Variants in TMC4 observed in about 807,000 individuals in gnomAD.
TMC4 encodes the protein voltage-gated chloride channel TMC4.
A neutral mutation model predicts 82.0 loss-of-function variants in TMC4; 70 were observed. The ratio of observed to expected loss-of-function variants is 0.85; its 90% CI spans 0.70 to 1.04. The LOEUF is 1.04. Ranked by LOEUF, TMC4 falls within the 50% of genes least tolerant of loss-of-function variation. TMC4 has a pLI of 0.00. For synonymous variants in TMC4, 446 were observed against 406.0 expected (o/e 1.10, Z -1.18); for missense variants, 879 against 899.0 (o/e 0.98, Z 0.28).
chr19:54,161,482 G>A (rs1000142983), intron 11 of TMC4, among the ~76,000 whole-genome samples: 2 of 151,340 alleles, frequency 1.3e-5, no homozygotes, highest in African/African-American at 4.9e-5. Context: ...CCGAGTAGCT[G>A]GGATTACAGG....
At position 54,166,691 on chromosome 19, in the gene TMC4, C is replaced by T. The variant is rs146667561; in HGVS notation, c.798-1125G>A. ...GCTCTTTGCCGGGCGTGGTGGCTCACGCCTGTAATCCCAGCACTTTGGGAG... is the reference window on the plus strand; with the variant it reads ...GCTCTTTGCCGGGCGTGGTGGCTCATGCCTGTAATCCCAGCACTTTGGGAG... On this transcript the variant is annotated intron_variant, in intron 5 of 14. Transcript: ENST00000619895. 1.4e-3 allele frequency among the ~76,000 whole-genome samples: 216 copies of T among 152,092 alleles called. 2 individuals are homozygous for T. Among genetic ancestry groups the T allele is most frequent in the African/African-American group, 4.9e-3 (205 of 41,484 alleles).
chr19:54,163,533 C>G, intron 8 of TMC4, 191 bp downstream of exon 8: 1 of 693,450 alleles, frequency 1.4e-6, no homozygotes, highest in Non-Finnish European at 2.5e-6. Flanking sequence ...GTCTCGAACT[C>G]CTGACCTCAG....
chr19:54,165,230 G>A (rs1382016317), intron 6 of TMC4, among the ~76,000 whole-genome samples, 189 bp downstream of exon 6: 2 of 151,898 alleles, frequency 1.3e-5, no homozygotes, highest in African/African-American at 2.4e-5. Flanking sequence ...TTTCCTACAC[G>A]CTTGGAGCTC....
In TMC4 at chr19:54,168,625, A is replaced by G. The variant is rs200544750; in HGVS notation, c.498T>C (p.Leu166=). 558 of 1,593,198 alleles carry G rather than the reference A, an allele frequency of 3.5e-4. No individual in the cohort carries two copies. The highest frequency in any genetic ancestry group is 4.5e-4 in the Non-Finnish European group (522 of 1,170,088). ...SYFSLLRFLL[L]LNVLASVLMA... ...TGAGCACAGAGGCCAGCACGTTAAG[A>G]AGGAGCAGGAAGCGCAGCAGGGAGA... Residue 166 remains leucine (L), a synonymous_variant, in exon 4 of 15, where the codon CTT becomes CTC. Coordinates refer to ENST00000619895, the MANE Select transcript of TMC4 (RefSeq NM_144686.4).
rs753453507 is a variant in TMC4, at chr19:54,168,667, G to A, written c.456C>T (p.Ala152=). ...TLKRIGGQFG[A]GTESYFSLLR... Reference sequence around the variant, plus strand: ...GCAGGGAGAAGTAGGACTCCGTGCCGGCGCCAAACTGGCCTGCAGGGGGCA... The same window carrying A: ...GCAGGGAGAAGTAGGACTCCGTGCCAGCGCCAAACTGGCCTGCAGGGGGCA... Residue 152 remains alanine (A), a synonymous_variant, in exon 4 of 15, where the codon GCC becomes GCT. Coordinates refer to ENST00000619895, the MANE Select transcript of TMC4 (RefSeq NM_144686.4). The A allele has an allele frequency of 6.5e-7, 1 of 1,544,842 alleles. No homozygotes were observed. Among genetic ancestry groups the A allele is most frequent in the Non-Finnish European group, 8.7e-7 (1 of 1,144,108 alleles).
chr19:54,162,933 C>G (rs2075603489), intron 9 of TMC4, 100 bp downstream of exon 9: 5 of 1,590,336 alleles, frequency 3.1e-6, no homozygotes, highest in Non-Finnish European at 4.3e-6. Context: ...TTCCAGCACC[C>G]CAAGCTCCCC....
rs759280751 is a variant in TMC4 at position 54,163,138 on chromosome 19, G to T, written c.1299C>A (p.Ala433=). Residue 433 remains alanine, a synonymous_variant, in exon 9 of 15, where the codon GCC becomes GCA. Transcript: ENST00000619895. ...GAGAGAAGAGCAGGACCACCAGGGA[G>T]GCGAGGCGAAGAAACACGGTCCTGA... is the stretch of plus-strand genomic sequence containing the variant. ...ILLRTVFLRL[A]SLVVLLFSLW... 1 of 1,613,934 alleles carries T rather than the reference G, an allele frequency of 6.2e-7. No individual in the cohort carries two copies. The highest frequency in any genetic ancestry group is 8.5e-7 in the Non-Finnish European group (1 of 1,179,992).
intron 3 of TMC4, 152 bp downstream of exon 3, chr19:54,169,360 A>G: frequency 2.9e-6 from 3 of 1,018,840 alleles, no homozygotes; most frequent in South Asian, 3.5e-5. Context: ...CAGACCCAAG[A>G]GTCCAGACCC....
In TMC4 at chr19:54,160,337, A is replaced by C; in HGVS notation, c.2090T>G (p.Val697Gly). The change falls in exon 15 of 15, where the codon GTG (valine) becomes GGG (glycine). Residue 697 changes from valine to glycine, a missense_variant. Coordinates refer to ENST00000619895, the MANE Select transcript of TMC4 (RefSeq NM_144686.4). ...AGCCGGTTTGGTGGAGGTCAGCGCC[A>C]CAGCGCGCCGTGCCAGGAAGACTTT... ...QNKVFLARRA[V>G]ALTSTKPAL 6.6e-7 allele frequency: 1 copy of C among 1,523,740 alleles called. No homozygotes were observed. The highest frequency in any genetic ancestry group is 8.8e-7 in the Non-Finnish European group (1 of 1,136,454). 94.4% of individuals were successfully genotyped at this position (1,523,740 alleles called of 1,614,324 possible). A position where few individuals can be genotyped will look rare whatever the true frequency, so the allele number is the denominator to read the frequency against.
chr19:54,168,032 T>C (rs1025480268), intron 5 of TMC4, 139 bp downstream of exon 5: 88 of 1,086,744 alleles, frequency 8.1e-5, no homozygotes, highest in Non-Finnish European at 4.1e-5. Flanking sequence ...CACTACACTC[T>C]AGCCTGGGCA....
chr19:54,168,996 A>C (rs185712937), intron 3 of TMC4, among the ~76,000 whole-genome samples: 753 of 6,818 alleles, frequency 0.11, 213 homozygotes, highest in Non-Finnish European at 0.15. Flanking sequence ...CTCTCTCTCT[A>C]TATATATATA....
At chr19:54,172,126 C>T (rs559647109) in intron 1 of TMC4, 43 bp from the exon 2 acceptor site, 3 of 1,470,324 alleles carry the variant, frequency 2.0e-6, no homozygotes, top group Non-Finnish European at 2.7e-6. Flanking sequence ...GAGTCTGGGC[C>T]CTAATTCCTC....
intron 5 of TMC4, among the ~76,000 whole-genome samples, chr19:54,166,180 A>T (rs901458477): frequency 6.6e-6 from 1 of 151,782 alleles, no homozygotes; most frequent in African/African-American, 2.4e-5. Flanking sequence ...GGAGTTTGAG[A>T]CCAGCCTGGC....
chr19:54,162,592 G>C, intron 10 of TMC4, 81 bp downstream of exon 10: 1 of 1,138,258 alleles, frequency 8.8e-7, no homozygotes, highest in Non-Finnish European at 1.3e-6. Context: ...TGGTAAAAAG[G>C]TGCGCGGTGA....
At chr19:54,166,323 C>CAAA (rs58329832) in intron 5 of TMC4, among the ~76,000 whole-genome samples, 30 of 107,976 alleles carry the variant, frequency 2.8e-4, no homozygotes, top group African/African-American at 8.3e-4. Flanking sequence ...AGGTCGCCTC[C>CAAA]AAAAAAAAAA....
chr19:54,161,566 T>C (rs2075556423), intron 11 of TMC4, among the ~76,000 whole-genome samples: 1 of 152,128 alleles, frequency 6.6e-6, no homozygotes, highest in South Asian at 2.1e-4. Flanking sequence ...TGAGACGGAG[T>C]CTCGCTCTGT....
At chr19:54,164,016 C>T (rs1600561891) in intron 7 of TMC4, 129 bp from the exon 8 acceptor site, 2 of 1,020,076 alleles carry the variant, frequency 2.0e-6, no homozygotes, top group Admixed American at 2.9e-5. Context: ...GCTCTGTTAC[C>T]CAGCCTAGAA....
Position 54,164,614 on chromosome 19 carries a change from G to A in TMC4, c.946-13C>T. Reference sequence around the variant, plus strand: ...CCTCCAGCTCCACCTGAAGGCAGGAGAGATGCCCGCTTGGACTCCATTTCC... The same window carrying A: ...CCTCCAGCTCCACCTGAAGGCAGGAAAGATGCCCGCTTGGACTCCATTTCC... On this transcript the variant is annotated splice_polypyrimidine_tract_variant and intron_variant, in intron 6 of 14. Transcript: ENST00000619895. 2 of 1,611,988 alleles carry A rather than the reference G, an allele frequency of 1.2e-6. No individual in the cohort carries two copies. Among genetic ancestry groups the A allele is most frequent in the Non-Finnish European group, 1.7e-6 (2 of 1,179,876 alleles).
rs1260068785 is a variant in TMC4 at position 54,162,281 on chromosome 19, G to A, written c.1507C>T (p.Leu503Phe). 1 of 1,565,706 alleles carries A rather than the reference G, an allele frequency of 6.4e-7. No individual in the cohort carries two copies. The highest frequency in any genetic ancestry group is 8.6e-7 in the Non-Finnish European group (1 of 1,158,036). Residue 503 changes from leucine to phenylalanine, a missense_variant, in exon 11 of 15, where the codon CTC (leucine) becomes TTC (phenylalanine). Transcript: ENST00000619895. Reference sequence around the variant, plus strand: ...AGCGCCCCAGGACAGAGGCCACAGAGGAGCCTGAAGGACGGGGCGGGGCCG... The same window carrying A: ...AGCGCCCCAGGACAGAGGCCACAGAAGAGCCTGAAGGACGGGGCGGGGCCG... ...ALLIQFPRKLLCGLCPGALGR... is the reference protein window; with the variant it reads ...ALLIQFPRKLFCGLCPGALGR...
Sources: gnomAD v4.1 joint callset for allele counts (sites outside exome capture counted in the v4.1 genomes callset) on GRCh38, gnomAD v4.1.1 for gene constraint, MANE v1.5 for transcripts, NCBI Gene and HGNC (gene_info 2026-07-23, HGNC 2026-07-21) for gene names.